Variants in SKAP1 observed in about 807,000 individuals in gnomAD.
SKAP1 encodes the protein src kinase-associated phosphoprotein 1.
SKAP1 carries 44 observed loss-of-function variants against 58.5 expected under a neutral mutation model. The ratio of observed to expected loss-of-function variants is 0.75; its 90% CI spans 0.59 to 0.97. SKAP1 has a LOEUF of 0.97. SKAP1 is among the 50% of genes least tolerant of loss of function. The pLI is 0.00. For missense variants in SKAP1, 390 were observed against 435.2 expected (o/e 0.90, Z 0.92); for synonymous variants, 127 against 149.7 (o/e 0.85, Z 1.11).
intron 4 of SKAP1, among the ~76,000 whole-genome samples, chr17:48,191,327 C>T (rs371100854): frequency 6.6e-5 from 10 of 152,148 alleles, no homozygotes; most frequent in African/African-American, 1.9e-4. Flanking sequence ...ATTGGGCTAG[C>T]GGTATTTTAA....
rs1440589949 is a variant in SKAP1, at chr17:48,311,124, G to A, written c.280+34781C>T. 2.0e-5 allele frequency among the ~76,000 whole-genome samples: 3 copies of A among 152,046 alleles called. No individual in the cohort carries two copies. In the East Asian group the frequency reaches 5.8e-4, roughly 29 times the overall value. ...ACTCCGTTCACATTTGCATACAGGC[G>A]GAGTCTCACAATGAAAGCCCATCTG... is the stretch of plus-strand genomic sequence containing the variant. On this transcript the variant is annotated intron_variant, in intron 4 of 12. Coordinates refer to ENST00000336915, the MANE Select transcript of SKAP1 (RefSeq NM_003726.4).
chr17:48,248,258 G>A (rs922630416), intron 4 of SKAP1, among the ~76,000 whole-genome samples: 4 of 151,984 alleles, frequency 2.6e-5, no homozygotes, highest in African/African-American at 9.7e-5. Flanking sequence ...CTTTGTATAC[G>A]GTACTGTATG....
At chr17:48,392,297 C>A (rs1234509394) in intron 2 of SKAP1, among the ~76,000 whole-genome samples, 2 of 152,200 alleles carry the variant, frequency 1.3e-5, no homozygotes, top group Non-Finnish European at 2.9e-5. Flanking sequence ...TCAAGATATT[C>A]TTTCAGCCTG....
intron 11 of SKAP1, among the ~76,000 whole-genome samples, chr17:48,147,881 T>C (rs7225550): frequency 0.56 from 84,041 of 150,740 alleles, 24,398 homozygotes; most frequent in East Asian, 0.77. Context: ...AACTTGCTAA[T>C]CTGGAGATTG....
intron 9 of SKAP1, among the ~76,000 whole-genome samples, chr17:48,178,038 G>A (rs2064315322): frequency 6.6e-6 from 1 of 152,172 alleles, no homozygotes; most frequent in South Asian, 2.1e-4. Flanking sequence ...ACCAGCTGGT[G>A]TAAATTTTGG....
At chr17:48,229,068 C>G (rs1018214026) in intron 4 of SKAP1, among the ~76,000 whole-genome samples, 2 of 152,098 alleles carry the variant, frequency 1.3e-5, no homozygotes, top group Admixed American at 6.5e-5. Flanking sequence ...GGTCGTGCAT[C>G]CCTGAGGGTG....
At chr17:48,379,924 C>T (rs773755050) in intron 2 of SKAP1, among the ~76,000 whole-genome samples, 17 of 152,102 alleles carry the variant, frequency 1.1e-4, no homozygotes, top group Non-Finnish European at 2.1e-4. Flanking sequence ...CCTCGTCATC[C>T]GCCCGCCTTG....
At chr17:48,166,269 T>C (rs921831841) in intron 10 of SKAP1, among the ~76,000 whole-genome samples, 6 of 152,190 alleles carry the variant, frequency 3.9e-5, no homozygotes, top group Non-Finnish European at 7.4e-5. Flanking sequence ...ATAAGAAGAA[T>C]AGCAACAGAA....
chr17:48,279,253 C>T (rs2065738740), intron 4 of SKAP1, among the ~76,000 whole-genome samples: 2 of 152,100 alleles, frequency 1.3e-5, no homozygotes, highest in African/African-American at 4.8e-5. Context: ...CCTCAGGGCG[C>T]TGGTAGAAGT....
intron 1 of SKAP1, among the ~76,000 whole-genome samples, chr17:48,412,100 T>G (rs2067671903): frequency 6.6e-6 from 1 of 152,214 alleles, no homozygotes; most frequent in African/African-American, 2.4e-5. Context: ...CTCTGTACTA[T>G]CTGCTTAATT....
In SKAP1 at chr17:48,137,214, C is replaced by T; in HGVS notation, c.*7+15G>A. The T allele has an allele frequency of 6.5e-7, 1 of 1,547,938 alleles. No homozygotes were observed. The highest frequency in any genetic ancestry group is 8.9e-7 in the Non-Finnish European group (1 of 1,120,282). Reference sequence around the variant, plus strand: ...ACTCAACTATTAGGCAGTTCATTGGCCATGGTTCTGATACCTGGGTTTCAT... The same window carrying T: ...ACTCAACTATTAGGCAGTTCATTGGTCATGGTTCTGATACCTGGGTTTCAT... On this transcript the variant is annotated intron_variant, in intron 12 of 12. Transcript: ENST00000336915.
intron 11 of SKAP1, among the ~76,000 whole-genome samples, chr17:48,138,388 T>A (rs1312004321): frequency 2.1e-5 from 3 of 145,136 alleles, no homozygotes; most frequent in African/African-American, 7.7e-5. Flanking sequence ...TTTTTTTTTT[T>A]AGACAGAGTC....
intron 4 of SKAP1, among the ~76,000 whole-genome samples, chr17:48,200,378 CTTTCTTTT>C (rs1023507371): frequency 2.6e-5 from 4 of 151,504 alleles, no homozygotes; most frequent in African/African-American, 4.9e-5. Context: ...TTCTTTCTTT[CTTTCTTTT>C]TTTTTTTGAG....
intron 2 of SKAP1, among the ~76,000 whole-genome samples, chr17:48,369,747 T>A (rs750256731): frequency 1.3e-5 from 2 of 152,156 alleles, no homozygotes; most frequent in Non-Finnish European, 2.9e-5. Flanking sequence ...AACTGAGGCA[T>A]CAAGGATTAA....
intron 4 of SKAP1, among the ~76,000 whole-genome samples, chr17:48,211,722 T>C (rs762143094): frequency 1.3e-5 from 2 of 152,206 alleles, no homozygotes; most frequent in African/African-American, 2.4e-5. Flanking sequence ...GGGGCTCCTC[T>C]ATGGTGTTGG....
chr17:48,338,393 C>T (rs1336286464), intron 4 of SKAP1, among the ~76,000 whole-genome samples: 2 of 152,104 alleles, frequency 1.3e-5, no homozygotes, highest in African/African-American at 4.8e-5. Context: ...CTCAAGTGAT[C>T]CACTCACCTT....
chr17:48,353,919 A>AAAAGAAG (rs1329708613), intron 3 of SKAP1, among the ~76,000 whole-genome samples: 21 of 147,326 alleles, frequency 1.4e-4, no homozygotes, highest in African/African-American at 5.4e-4. Context: ...AAAAGAAAAG[A>AAAAGAAG]AAAGAAGAAA....
intron 4 of SKAP1, among the ~76,000 whole-genome samples, chr17:48,268,264 T>A (rs1598489449): frequency 1.6e-5 from 2 of 124,258 alleles, no homozygotes; most frequent in African/African-American, 6.0e-5. Context: ...AAAGACTACT[T>A]AAAAAAAAAA....
the SKAP1 span, among the ~76,000 whole-genome samples, chr17:48,442,565 C>T: frequency 1.3e-5 from 2 of 152,148 alleles, no homozygotes; most frequent in African/African-American, 4.8e-5. Context: ...CACTTGTCCC[C>T]TTCTTGGCCA....
Sources: allele counts gnomAD v4.1 joint callset (sites outside exome capture counted in the v4.1 genomes callset), GRCh38; gene constraint gnomAD v4.1.1; transcripts MANE v1.5; gene names NCBI Gene and HGNC (gene_info 2026-07-23, HGNC 2026-07-21).